LRCH4: variants seen among roughly 807,000 people sequenced by gnomAD.
LRCH4 encodes the protein leucine-rich repeat and calponin homology domain-containing protein 4.
A neutral mutation model predicts 81.2 loss-of-function variants in LRCH4; 56 were observed. That is an observed-to-expected ratio of 0.69 (90% confidence interval 0.56 to 0.86). The LOEUF (loss-of-function observed/expected upper bound fraction) is 0.86, where lower values mean the gene tolerates loss of function less well. Ranked by LOEUF, LRCH4 falls within the 40% of genes least tolerant of loss-of-function variation. The pLI is 0.00. For missense variants in LRCH4, 895 were observed against 922.8 expected (o/e 0.97, Z 0.39); for synonymous variants, 442 against 409.7 (o/e 1.08, Z -0.95).
rs2131214028 is a variant in LRCH4, at chr7:100,582,758, T to C, written c.221-299A>G. Among the ~76,000 whole-genome samples, 1 of 152,288 alleles carries C rather than the reference T, an allele frequency of 6.6e-6. No homozygotes were observed. Among genetic ancestry groups the C allele is most frequent in the East Asian group, 1.9e-4 (1 of 5,172 alleles). On this transcript the variant is annotated intron_variant, in intron 1 of 17. Transcript: ENST00000310300. The surrounding 1 kb of genome is among the most constrained non-coding windows in gnomAD (Gnocchi z 5.0). Reference sequence around the variant, plus strand: ...CTGGAGAGCAGCTGGAATCTCTAACTCCTGTGGTTCCTGTTCAGAGATGCC... The same window carrying C: ...CTGGAGAGCAGCTGGAATCTCTAACCCCTGTGGTTCCTGTTCAGAGATGCC...
rs139180317 is a variant in LRCH4 at position 100,585,970 on chromosome 7, G to A, written c.131C>T (p.Thr44Ile). ...AERALEEAVA[T>I]GTLNLSNRRL... ...CCGGTTAGACAGGTTCAGGGTCCCG[G>A]TGGCCACGGCCTCCTCTAGGGCCCG... Residue 44 changes from threonine to isoleucine, a missense_variant, in exon 1 of 18, where the codon ACC becomes ATC. By Grantham distance (89) the Thr-to-Ile change is moderately conservative. This residue lies in a region of LRCH4 where 360 missense variants were observed against 397.0 expected (regional missense o/e 0.91). Transcript: ENST00000310300. 2 of 1,612,390 alleles carry A rather than the reference G, an allele frequency of 1.2e-6. No homozygotes were observed. The highest frequency in any genetic ancestry group is 1.7e-6 in the Non-Finnish European group (2 of 1,179,120).
chr7:100,582,309 C>T lies in LRCH4; in HGVS notation c.365+6G>A, dbSNP rs1801584419. The T allele has an allele frequency of 1.9e-6, 3 of 1,614,100 alleles. No homozygotes were observed. Among genetic ancestry groups the T allele is most frequent in the Non-Finnish European group, 8.5e-7 (1 of 1,180,040 alleles). The stretch of plus-strand genomic sequence containing the variant: ...CTCCCACGTGGCCCTGGCTCGGCCT[C>T]CCTACCTGAGGTTGAGGTAGGTGAG... On this transcript the variant is annotated splice_donor_region_variant and intron_variant, in intron 2 of 17. Transcript: ENST00000310300. This position sits in a 1 kb window ranked among gnomAD's most constrained non-coding sequence, Gnocchi z 5.0.
In LRCH4 at chr7:100,575,493, G is replaced by C. The variant is rs565499765; in HGVS notation, c.1855-189C>G. ...GCATGTGCAGGACAGGTGACATGCA[G>C]GACAAGATGGGGCCTGCAGGGCAGG... is the stretch of plus-strand genomic sequence containing the variant. On this transcript the variant is annotated intron_variant, in intron 17 of 17. Coordinates refer to ENST00000310300, the MANE Select transcript of LRCH4 (RefSeq NM_002319.5). This position sits in a 1 kb window ranked among gnomAD's most constrained non-coding sequence, Gnocchi z 5.3. 1 of 825,074 alleles carries C rather than the reference G, an allele frequency of 1.2e-6. No individual in the cohort carries two copies. The highest frequency in any genetic ancestry group is 2.0e-6 in the Non-Finnish European group (1 of 488,290). The allele number at this position is 825,074 out of a possible 1,614,324, so 51.1% of individuals were successfully genotyped here. A position where few individuals can be genotyped will look rare whatever the true frequency, so the allele number is the denominator to read the frequency against.
rs752698065 is a variant in LRCH4, at chr7:100,582,290, C to G, written c.365+25G>C. On this transcript the variant is annotated intron_variant, in intron 2 of 17. Transcript: ENST00000310300. The surrounding 1 kb of genome is among the most constrained non-coding windows in gnomAD (Gnocchi z 5.0). Reference sequence around the variant, plus strand: ...TGAGACTGAGAAGCACACGCTCCCACGTGGCCCTGGCTCGGCCTCCCTACC... The same window carrying G: ...TGAGACTGAGAAGCACACGCTCCCAGGTGGCCCTGGCTCGGCCTCCCTACC... 1 of 1,614,050 alleles carries G rather than the reference C, an allele frequency of 6.2e-7. No homozygotes were observed. Among genetic ancestry groups the G allele is most frequent in the Admixed American group, 1.7e-5 (1 of 60,034 alleles).
rs1801421104 is a variant in LRCH4 at position 100,577,805 on chromosome 7, C to T, written c.1039+17G>A. The T allele has an allele frequency of 6.2e-7, 1 of 1,613,980 alleles. No homozygotes were observed. Among genetic ancestry groups the T allele is most frequent in the Middle Eastern group, 1.6e-4 (1 of 6,062 alleles). ...GGCCCTGGTCCAGCCCAGCTCCCGG[C>T]CAGCCCTGCTACTCACCTGAGCCAT... On this transcript the variant is annotated intron_variant, in intron 8 of 17. Coordinates refer to ENST00000310300, the MANE Select transcript of LRCH4 (RefSeq NM_002319.5). The surrounding 1 kb of genome is among the most constrained non-coding windows in gnomAD (Gnocchi z 6.7).
chr7:100,581,790 A>G lies in LRCH4; in HGVS notation c.585T>C (p.Ser195=), dbSNP rs1281294349. ...RDLNVRRNQL[S]TLPEELGDLP... ...CATTCTTCTCACCTTCGGGCAGCGT[A>G]CTGAGCTGGTTCCTCCGGACATTGA... is the stretch of plus-strand genomic sequence containing the variant. Residue 195 remains serine (S), a synonymous_variant, in exon 4 of 18, where the codon AGT becomes AGC. Transcript: ENST00000310300. 2 of 1,614,156 alleles carry G rather than the reference A, an allele frequency of 1.2e-6. No individual in the cohort carries two copies. Among genetic ancestry groups the G allele is most frequent in the Non-Finnish European group, 1.7e-6 (2 of 1,179,996 alleles).
chr7:100,576,839 C>T, intron 13 of LRCH4, 62 bp from the exon 14 acceptor site: 1 of 1,535,846 alleles, frequency 6.5e-7, no homozygotes, highest in Non-Finnish European at 8.8e-7. Flanking sequence ...CCTCTGTGTC[C>T]CTCTCTCCCA....
At chr7:100,580,709 C>CACAA (rs1205072211) in intron 4 of LRCH4, 1 of 151,448 alleles carries the variant, frequency 6.6e-6, no homozygotes, top group Non-Finnish European at 1.5e-5. Flanking sequence ...ACAACACACA[C>CACAA]ACAAACACAG....
At position 100,576,897 on chromosome 7, in the gene LRCH4, C is replaced by T. The variant is rs1413507896; in HGVS notation, c.1468+5G>A. 1 of 1,547,990 alleles carries T rather than the reference C, an allele frequency of 6.5e-7. No homozygotes were observed. Among genetic ancestry groups the T allele is most frequent in the Non-Finnish European group, 8.7e-7 (1 of 1,142,888 alleles). ...CCCATCCTCCTCCCAAAATCCCTGT[C>T]CCACCTGGTCCAGCTATGGGAAGGG... On this transcript the variant is annotated splice_donor_5th_base_variant and intron_variant, in intron 13 of 17. Coordinates refer to ENST00000310300, the MANE Select transcript of LRCH4 (RefSeq NM_002319.5).
intron 1 of LRCH4, chr7:100,584,047 G>A: frequency 4.6e-6 from 2 of 436,122 alleles, no homozygotes; most frequent in Non-Finnish European, 9.3e-6. Context: ...AGGGAGCCTA[G>A]TCCAAGGGAG....
rs191519399 is a variant in LRCH4 at position 100,582,857 on chromosome 7, G to A, written c.221-398C>T. 2.9e-4 allele frequency among the ~76,000 whole-genome samples: 44 copies of A among 152,248 alleles called. No homozygotes were observed. The East Asian group carries it at 7.0e-3, about 24-fold the overall frequency. Reference sequence around the variant, plus strand: ...AAAACAGTAAGGCGAGGGGCTGGGGGGCTCCCGGAGGGAAGATGGGAAACC... The same window carrying A: ...AAAACAGTAAGGCGAGGGGCTGGGGAGCTCCCGGAGGGAAGATGGGAAACC... On this transcript the variant is annotated intron_variant, in intron 1 of 17. Coordinates refer to ENST00000310300, the MANE Select transcript of LRCH4 (RefSeq NM_002319.5). This position sits in a 1 kb window ranked among gnomAD's most constrained non-coding sequence, Gnocchi z 5.0.
rs1562809011 is a variant in LRCH4 at position 100,582,180 on chromosome 7, G to A, written c.366-13C>T. On this transcript the variant is annotated splice_polypyrimidine_tract_variant and intron_variant, in intron 2 of 17. Transcript: ENST00000310300. The surrounding 1 kb of genome is among the most constrained non-coding windows in gnomAD (Gnocchi z 5.0). ...CAGCTGGTTTCGGCTGTGGAAGGGAGAAAGGCAGCGGACTGGCTCCCCAGG... is the reference window on the plus strand; with the variant it reads ...CAGCTGGTTTCGGCTGTGGAAGGGAAAAAGGCAGCGGACTGGCTCCCCAGG... 1 of 1,613,594 alleles carries A rather than the reference G, an allele frequency of 6.2e-7. No homozygotes were observed. Among genetic ancestry groups the A allele is most frequent in the Non-Finnish European group, 8.5e-7 (1 of 1,179,918 alleles).
chr7:100,575,070 G>A lies in LRCH4; in HGVS notation c.*37C>T, dbSNP rs752433251. ...GGAGCAGGGACCTTATAAATAGAGAGGAAGGGAAAGGGGTGAGGGAGGGCC... is the reference window on the plus strand; with the variant it reads ...GGAGCAGGGACCTTATAAATAGAGAAGAAGGGAAAGGGGTGAGGGAGGGCC... On this transcript the variant is annotated 3_prime_UTR_variant, in exon 18 of 18. Transcript: ENST00000310300. This position sits in a 1 kb window ranked among gnomAD's most constrained non-coding sequence, Gnocchi z 5.3. The A allele has an allele frequency of 1.9e-6, 3 of 1,565,732 alleles. No individual in the cohort carries two copies. The highest frequency in any genetic ancestry group is 1.4e-5 in the African/African-American group (1 of 73,370).
Position 100,578,956 on chromosome 7 carries a change from A to G in LRCH4, c.599-170T>C. ...GAAACCTCCCTGCTCCTCTCTCCAC[A>G]TGATTCTGGTCCACGGTCTAAGCGA... On this transcript the variant is annotated intron_variant, in intron 4 of 17. Transcript: ENST00000310300. The surrounding 1 kb of genome is among the most constrained non-coding windows in gnomAD (Gnocchi z 5.7). 2 of 656,830 alleles carry G rather than the reference A, an allele frequency of 3.0e-6. No individual in the cohort carries two copies. The highest frequency in any genetic ancestry group is 2.8e-5 in the East Asian group (1 of 35,658). The allele number at this position is 656,830 out of a possible 1,614,324, so 40.7% of individuals were successfully genotyped here. A position where few individuals can be genotyped will look rare whatever the true frequency, so the allele number is the denominator to read the frequency against.
rs975444739 is a variant in LRCH4 at position 100,575,216 on chromosome 7, T to C, written c.1943A>G (p.Lys648Arg). The change falls in exon 18 of 18, where the codon AAG becomes AGG. Residue 648 changes from lysine to arginine, a missense_variant. Physicochemically the swap from Lys to Arg is conservative, Grantham distance 26. Transcript: ENST00000310300. The surrounding 1 kb of genome is among the most constrained non-coding windows in gnomAD (Gnocchi z 5.3). ...GGGGGGCCAGAGGGGCGGTAGGGCC[T>C]TGCCCCCCACCCGCTTCACGGCCTC... ...ALEAVKRVGGKALPPLWPPSG... is the reference protein window; with the variant it reads ...ALEAVKRVGGRALPPLWPPSG... 2 of 1,610,148 alleles carry C rather than the reference T, an allele frequency of 1.2e-6. No individual in the cohort carries two copies. The highest frequency in any genetic ancestry group is 1.7e-6 in the Non-Finnish European group (2 of 1,178,286).
In LRCH4 at chr7:100,578,573, C is replaced by T; in HGVS notation, c.736-62G>A. On this transcript the variant is annotated intron_variant, in intron 5 of 17. Transcript: ENST00000310300. This position sits in a 1 kb window ranked among gnomAD's most constrained non-coding sequence, Gnocchi z 5.7. ...GGAGGGCAGCTCCCCGGATCCTGCT[C>T]AGCTATCCAAGGGGACCAACCCCAC... 1 of 1,601,038 alleles carries T rather than the reference C, an allele frequency of 6.2e-7. No individual in the cohort carries two copies. Among genetic ancestry groups the T allele is most frequent in the Non-Finnish European group, 8.5e-7 (1 of 1,171,896 alleles).
chr7:100,581,099 C>T (rs548845416), intron 4 of LRCH4, among the ~76,000 whole-genome samples: 1 of 152,172 alleles, frequency 6.6e-6, no homozygotes, highest in African/African-American at 2.4e-5. Context: ...AGAGCCCCTG[C>T]TGGGGTGAGC....
In LRCH4 at chr7:100,576,836, G is replaced by A. The variant is rs1256838203; in HGVS notation, c.1469-59C>T. On this transcript the variant is annotated intron_variant, in intron 13 of 17. Transcript: ENST00000310300. ...CAGGTGAGACAGGCATCCCCTCTGT[G>A]TCCCTCTCTCCCAACCAGCCCTCAC... is the stretch of plus-strand genomic sequence containing the variant. The A allele has an allele frequency of 2.6e-6, 4 of 1,531,532 alleles. No individual in the cohort carries two copies. The African/African-American group carries it at 5.5e-5, about 21-fold the overall frequency. 94.9% of individuals were successfully genotyped at this position (1,531,532 alleles called of 1,614,324 possible).
At chr7:100,585,295 G>GA (rs1202840856) in intron 1 of LRCH4, 2 of 162,008 alleles carry the variant, frequency 1.2e-5, no homozygotes, top group African/African-American at 4.8e-5. Flanking sequence ...AGCTCAGGGA[G>GA]AAAAGAGTGA....
Sources: gnomAD v4.1 joint callset for allele counts (sites outside exome capture counted in the v4.1 genomes callset) on GRCh38, gnomAD v4.1.1 for gene constraint, gnomAD v4.1.1 regional missense constraint, Gnocchi (gnomAD v3.1) non-coding constraint, MANE v1.5 for transcripts, NCBI Gene and HGNC (gene_info 2026-07-23, HGNC 2026-07-21) for gene names.